The following DLG2 variants were observed in gnomAD, a reference collection of about 807,000 sequenced individuals.
DLG2 encodes discs large MAGUK scaffold protein 2, also known as disks large homolog 2.
Under a neutral mutation model 132.5 loss-of-function variants are expected in DLG2, and 45 were observed. The ratio of observed to expected loss-of-function variants is 0.34; its 90% CI spans 0.27 to 0.44. The LOEUF is 0.44. DLG2 is among the 20% of genes least tolerant of loss of function. The pLI, the probability that DLG2 is intolerant of heterozygous loss-of-function variation, is 1.00. For synonymous variants in DLG2, 424 were observed against 419.6 expected, an observed-to-expected ratio of 1.01 and a Z score of -0.13; for missense variants, 1,045 against 1,196.9, an observed-to-expected ratio of 0.87 and a Z score of 1.87.
intron 6 of DLG2, among the ~76,000 whole-genome samples, chr11:84,690,633 C>T (rs73513139): frequency 0.074 from 11,306 of 151,776 alleles, 510 homozygotes; most frequent in Middle Eastern, 0.11. Context: ...GTAATTATTA[C>T]GTGTCAGCCA....
intron 7 of DLG2, among the ~76,000 whole-genome samples, chr11:84,376,298 C>T (rs1047121168): frequency 6.6e-6 from 1 of 151,902 alleles, no homozygotes; most frequent in Non-Finnish European, 1.5e-5. Context: ...TGAGGATAGG[C>T]TTGTTATTTA....
chr11:83,675,662 AT>A (rs2153583663), intron 18 of DLG2, among the ~76,000 whole-genome samples: 1 of 152,260 alleles, frequency 6.6e-6, no homozygotes, highest in South Asian at 2.1e-4. Flanking sequence ...TCAACAACAA[AT>A]TTTTGTGAGA....
intron 7 of DLG2, among the ~76,000 whole-genome samples, chr11:84,389,785 C>G (rs2098785631): frequency 6.6e-6 from 1 of 152,086 alleles, no homozygotes; most frequent in African/African-American, 2.4e-5. Context: ...ATAATTCCTA[C>G]AGTAAGAAAT....
intron 19 of DLG2, among the ~76,000 whole-genome samples, chr11:83,596,149 C>T (rs920735037): frequency 2.6e-5 from 4 of 152,290 alleles, no homozygotes; most frequent in South Asian, 2.1e-4. Flanking sequence ...TAAGATTTAA[C>T]TATGACTATG....
At chr11:84,357,718 C>A (rs2098625070) in intron 7 of DLG2, among the ~76,000 whole-genome samples, 1 of 151,836 alleles carries the variant, frequency 6.6e-6, no homozygotes, top group South Asian at 2.1e-4. Context: ...TTCTTGACTA[C>A]CTGTTGTTTC....
intron 6 of DLG2, among the ~76,000 whole-genome samples, chr11:84,873,539 C>G (rs2154045761): frequency 6.6e-6 from 1 of 152,282 alleles, no homozygotes; most frequent in South Asian, 2.1e-4. Flanking sequence ...ATAACTAGAG[C>G]AGTAAGCATG....
chr11:83,846,344 C>T (rs141273344), intron 16 of DLG2, among the ~76,000 whole-genome samples: 5 of 152,334 alleles, frequency 3.3e-5, no homozygotes, highest in Admixed American at 2.0e-4. Flanking sequence ...AAGGAATTCA[C>T]ACTTTATACT....
intron 4 of DLG2, among the ~76,000 whole-genome samples, chr11:85,208,129 T>C (rs1007117148): frequency 6.6e-6 from 1 of 152,146 alleles, no homozygotes; most frequent in African/African-American, 2.4e-5. Flanking sequence ...ATGAAATAGA[T>C]GTTCATTTCA....
chr11:83,558,376 A>T (rs966061722), intron 19 of DLG2, among the ~76,000 whole-genome samples: 7 of 152,212 alleles, frequency 4.6e-5, no homozygotes, highest in African/African-American at 7.2e-5. Context: ...GACATACAAC[A>T]TGAAAATACA....
intron 3 of DLG2, among the ~76,000 whole-genome samples, chr11:85,404,231 T>A (rs949096000): frequency 6.6e-6 from 1 of 151,938 alleles, no homozygotes; most frequent in African/African-American, 2.4e-5. Context: ...ATCATTGGCA[T>A]ATATAGACAT....
intron 3 of DLG2, among the ~76,000 whole-genome samples, chr11:85,392,553 C>A (rs1278155243): frequency 6.6e-6 from 1 of 152,080 alleles, no homozygotes; most frequent in South Asian, 2.1e-4. Flanking sequence ...AGGCATCATA[C>A]TACCTGACTT....
At chr11:85,344,464 T>C (rs1416734077) in intron 3 of DLG2, among the ~76,000 whole-genome samples, 4 of 152,198 alleles carry the variant, frequency 2.6e-5, no homozygotes, top group African/African-American at 7.2e-5. Flanking sequence ...TTCATTTCAA[T>C]AGAATTTATA....
chr11:84,602,110 GT>G (rs1387715198), intron 6 of DLG2, among the ~76,000 whole-genome samples: 3 of 152,016 alleles, frequency 2.0e-5, no homozygotes, highest in Non-Finnish European at 2.9e-5. Flanking sequence ...GTCAGGCTCT[GT>G]GCTGGACACT....
chr11:85,237,913 A>C (rs540463234), intron 4 of DLG2, among the ~76,000 whole-genome samples: 1 of 152,180 alleles, frequency 6.6e-6, no homozygotes, highest in South Asian at 2.1e-4. Context: ...TTATAAATTA[A>C]AGCAGTCCTA....
intron 7 of DLG2, among the ~76,000 whole-genome samples, chr11:84,330,171 GC>G (rs1050891937): frequency 6.6e-6 from 1 of 152,130 alleles, no homozygotes; most frequent in Non-Finnish European, 1.5e-5. Flanking sequence ...ATTTCCAGAG[GC>G]TGACATTTAA....
intron 26 of DLG2, among the ~76,000 whole-genome samples, chr11:83,465,727 C>T (rs1472071106): frequency 6.6e-6 from 1 of 152,136 alleles, no homozygotes; most frequent in East Asian, 1.9e-4. Flanking sequence ...AATTCCTAAT[C>T]TTGTTATTTA....
At chr11:84,330,942 A>G (rs976258228) in intron 7 of DLG2, among the ~76,000 whole-genome samples, 4 of 152,228 alleles carry the variant, frequency 2.6e-5, no homozygotes, top group Admixed American at 1.3e-4. Flanking sequence ...GTGTCAGCAC[A>G]AAATTTGCAT....
At chr11:85,104,429 C>G (rs909556614) in intron 6 of DLG2, among the ~76,000 whole-genome samples, 2 of 151,812 alleles carry the variant, frequency 1.3e-5, no homozygotes, top group African/African-American at 4.8e-5. Context: ...TTGGAAACAT[C>G]AGGCTAAGTG....
At chr11:84,761,191 G>A (rs904335617) in intron 6 of DLG2, among the ~76,000 whole-genome samples, 1 of 152,160 alleles carries the variant, frequency 6.6e-6, no homozygotes, top group Non-Finnish European at 1.5e-5. Flanking sequence ...AACCAAGCTG[G>A]CTAATCAGAT....
Sources: gnomAD v4.1 joint callset for allele counts (sites outside exome capture counted in the v4.1 genomes callset) on GRCh38, gnomAD v4.1.1 for gene constraint, MANE v1.5 for transcripts, NCBI Gene and HGNC (gene_info 2026-07-23, HGNC 2026-07-21) for gene names.